Variants in FCGR2B observed in about 807,000 individuals in gnomAD.
FCGR2B encodes the protein low affinity immunoglobulin gamma Fc region receptor II-b.
A neutral mutation model predicts 24.8 loss-of-function variants in FCGR2B; 18 were observed. The observed-to-expected ratio is 0.73, with a 90% confidence interval of 0.50 to 1.08. The LOEUF (loss-of-function observed/expected upper bound fraction) is 1.08. Ranked by LOEUF, FCGR2B falls within the 50% of genes least tolerant of loss-of-function variation. FCGR2B has a pLI of 0.00. For missense variants in FCGR2B, 215 were observed against 297.6 expected (o/e 0.72, Z 2.04); for synonymous variants, 79 against 109.8 (o/e 0.72, Z 1.75).
At chr1:161,671,915 T>G (rs187828543) in intron 3 of FCGR2B, 1 of 604,710 alleles carries the variant, frequency 1.7e-6, no homozygotes, top group Admixed American at 3.0e-5. Context: ...ATGGCAGAAT[T>G]GAAAAGCACA....
At chr1:161,677,425 T>C in intron 7 of FCGR2B, 51 bp from the exon 8 acceptor site, 1 of 1,608,736 alleles carries the variant, frequency 6.2e-7, no homozygotes, top group Non-Finnish European at 8.5e-7. Context: ...TGTTGCCTTC[T>C]TTCCTAGGCC....
At chr1:161,667,423 C>T (rs1317064060) in intron 1 of FCGR2B, among the ~76,000 whole-genome samples, 4 of 123,548 alleles carry the variant, frequency 3.2e-5, no homozygotes, top group African/African-American at 1.3e-4. Flanking sequence ...CAACAGTTTG[C>T]CTTCTTGTGT....
At position 161,678,357 on chromosome 1, in the gene FCGR2B, CT is replaced by C. The variant is rs775892034; in HGVS notation, c.*806del. On this transcript the variant is annotated 3_prime_UTR_variant, in exon 8 of 8. Coordinates refer to ENST00000358671, the MANE Select transcript of FCGR2B (RefSeq NM_001394477.1). ...ATTCCTATGTTTAGATATATGAGTA[CT>C]TACCATTGTGTTACAATTGCCTAAA... 26 of 216,736 alleles carry C rather than the reference CT, an allele frequency of 1.2e-4. No individual in the cohort carries two copies. In the Middle Eastern group the frequency reaches 4.4e-3, roughly 37 times the overall value. 13.4% of individuals were successfully genotyped at this position (216,736 alleles called of 1,614,324 possible).
chr1:161,669,711 A>C (rs1681525420), intron 1 of FCGR2B, among the ~76,000 whole-genome samples: 1 of 130,230 alleles, frequency 7.7e-6, no homozygotes, highest in African/African-American at 2.6e-5. Flanking sequence ...GTATATCCTC[A>C]TTTACACTTA....
rs368242691 is a variant in FCGR2B at position 161,678,325 on chromosome 1, C to A, written c.*772C>A. The A allele has an allele frequency of 4.6e-5, 10 of 216,708 alleles. No homozygotes were observed. In the South Asian group the frequency reaches 1.5e-3, roughly 32 times the overall value. 13.4% of individuals were successfully genotyped at this position (216,708 alleles called of 1,614,324 possible). A position where few individuals can be genotyped will look rare whatever the true frequency, so the allele number is the denominator to read the frequency against. On this transcript the variant is annotated 3_prime_UTR_variant, in exon 8 of 8. Transcript: ENST00000358671. ...TTATAATACCATATTTCTATTGTAC[C>A]TTTTCTATTCCTATGTTTAGATATA...
chr1:161,654,372 TTG>T, the FCGR2B span, among the ~76,000 whole-genome samples: 10 of 686 alleles, frequency 0.015, 1 homozygote, highest in East Asian at 0.091. Context: ...TTGTTTTTTG[TTG>T]TTGTTGTTGT....
At chr1:161,652,866 C>T in the FCGR2B span, among the ~76,000 whole-genome samples, 4 of 134,208 alleles carry the variant, frequency 3.0e-5, no homozygotes, top group Admixed American at 8.3e-5. Flanking sequence ...CTAGTGTTAT[C>T]TTGTGCTTGG....
chr1:161,647,322 T>C, the FCGR2B span, among the ~76,000 whole-genome samples: 1 of 140,682 alleles, frequency 7.1e-6, no homozygotes, highest in African/African-American at 2.8e-5. Context: ...TTTTTTGAGA[T>C]TGAGTCTCGC....
chr1:161,647,331 G>A, the FCGR2B span, among the ~76,000 whole-genome samples: 6 of 129,944 alleles, frequency 4.6e-5, no homozygotes, highest in South Asian at 7.5e-4. Context: ...ATTGAGTCTC[G>A]CTCTTGTCAC....
At chr1:161,677,088 C>A (rs757692645) in intron 6 of FCGR2B, 25 of 536,378 alleles carry the variant, frequency 4.7e-5, no homozygotes, top group Non-Finnish European at 7.8e-5. Flanking sequence ...GAAAAGAATG[C>A]AGCTCAAGTG....
chr1:161,656,251 C>A, the FCGR2B span, among the ~76,000 whole-genome samples: 10 of 147,914 alleles, frequency 6.8e-5, no homozygotes, highest in Non-Finnish European at 1.5e-4. Context: ...TGTATCCTAT[C>A]TTTCCCATTG....
the FCGR2B span, among the ~76,000 whole-genome samples, chr1:161,651,784 T>TA: frequency 8.2e-6 from 1 of 121,260 alleles, no homozygotes; most frequent in Non-Finnish European, 1.9e-5. Flanking sequence ...AAACACAAAA[T>TA]TAGCCAGTCG....
rs367584808 is a variant in FCGR2B at position 161,671,618 on chromosome 1, C to A, written c.360C>A (p.Leu120=). The change falls in exon 3 of 8, where the codon CTC becomes CTA. Residue 120 remains leucine, a synonymous_variant. Coordinates refer to ENST00000358671, the MANE Select transcript of FCGR2B (RefSeq NM_001394477.1). ...CGTGCCAGACTGGCCAGACCAGCCT[C>A]AGCGACCCTGTGCATCTGACTGTGC... The part of the protein sequence containing the change: ...EYTCQTGQTS[L]SDPVHLTVLS... 572 of 1,613,932 alleles carry A rather than the reference C, an allele frequency of 3.5e-4. 8 individuals are homozygous for A. The East Asian group carries it at 0.01, about 29-fold the overall frequency.
At chr1:161,651,980 A>C in the FCGR2B span, among the ~76,000 whole-genome samples, 1 of 101,978 alleles carries the variant, frequency 9.8e-6, no homozygotes, top group Non-Finnish European at 2.3e-5. Context: ...TAAAATAAAG[A>C]TCTATGGGCA....
At chr1:161,671,677 C>G in intron 3 of FCGR2B, 28 bp downstream of exon 3, 2 of 1,611,376 alleles carry the variant, frequency 1.2e-6, no homozygotes, top group South Asian at 2.2e-5. Context: ...CCAGGGTGGA[C>G]CTGGGAGGGC....
At chr1:161,653,933 T>C in the FCGR2B span, among the ~76,000 whole-genome samples, 1 of 127,414 alleles carries the variant, frequency 7.8e-6, no homozygotes, top group African/African-American at 2.6e-5. Flanking sequence ...TCCTGGGAAC[T>C]GACTTGGCTG....
chr1:161,671,851 A>G, intron 3 of FCGR2B: 1 of 996,508 alleles, frequency 1.0e-6, no homozygotes. Context: ...CAGGCAGCCA[A>G]GTGTGAGAGA....
the FCGR2B span, among the ~76,000 whole-genome samples, chr1:161,654,104 TG>T: frequency 1.5e-5 from 2 of 137,586 alleles, no homozygotes; most frequent in African/African-American, 2.5e-5. Context: ...TTCACATGGC[TG>T]GCCCTGTGAT....
At chr1:161,672,012 G>A (rs1023275304) in intron 3 of FCGR2B, 1 of 304,698 alleles carries the variant, frequency 3.3e-6, no homozygotes, top group African/African-American at 2.2e-5. Context: ...TTCTTCACCT[G>A]CTCCGTGGGG....
Sources: gnomAD v4.1 joint callset for allele counts (sites outside exome capture counted in the v4.1 genomes callset) on GRCh38, gnomAD v4.1.1 for gene constraint, MANE v1.5 for transcripts, NCBI Gene and HGNC (gene_info 2026-07-23, HGNC 2026-07-21) for gene names.